The following NRXN1 variants were observed in gnomAD, a reference collection of about 807,000 sequenced individuals.
NRXN1 encodes the protein neurexin-1.
In NRXN1, 39 loss-of-function variants were observed where a neutral mutation model predicts 150.9. The ratio of observed to expected loss-of-function variants is 0.26; its 90% CI spans 0.20 to 0.34. The LOEUF (loss-of-function observed/expected upper bound fraction) is 0.34, where lower values mean the gene tolerates loss of function less well. Among genes scored for constraint, NRXN1 ranks in the 10% least tolerant of loss-of-function variants. The pLI is 1.00. For synonymous variants in NRXN1, 924 were observed against 757.0 expected (o/e 1.22, Z -3.62); for missense variants, 1,815 against 1,949.9 (o/e 0.93, Z 1.30).
intron 2 of NRXN1, among the ~76,000 whole-genome samples, chr2:50,961,290 A>G (rs1693154024): frequency 6.6e-6 from 1 of 151,856 alleles, no homozygotes; most frequent in Non-Finnish European, 1.5e-5. Flanking sequence ...TTCATTAGGT[A>G]TGGACCTAAG....
In NRXN1 at chr2:50,846,742, C is replaced by T. The variant is rs115374958; in HGVS notation, c.832+75127G>A. ...AAAAATATGAGTGATTTATGATTCC[C>T]TCTCTAGGAGAGGAAAAATATCTTT... On this transcript the variant is annotated intron_variant, in intron 5 of 22. Coordinates refer to ENST00000401669, the MANE Select transcript of NRXN1 (RefSeq NM_001330078.2). Among the ~76,000 whole-genome samples the T allele has an allele frequency of 1.2e-3, 181 of 152,290 alleles. 1 individual carries two copies. Among genetic ancestry groups the T allele is most frequent in the African/African-American group, 4.0e-3 (167 of 41,558 alleles).
At chr2:50,612,107 C>T (rs1678252356) in intron 8 of NRXN1, among the ~76,000 whole-genome samples, 1 of 152,130 alleles carries the variant, frequency 6.6e-6, no homozygotes, top group Non-Finnish European at 1.5e-5. Context: ...GCAAGGATTT[C>T]GCTCTCAGAT....
At chr2:50,569,768 C>A (rs1670388480) in intron 8 of NRXN1, among the ~76,000 whole-genome samples, 1 of 152,094 alleles carries the variant, frequency 6.6e-6, no homozygotes, top group African/African-American at 2.4e-5. Flanking sequence ...GACCCCTGGC[C>A]CTGTCATTAA....
intron 2 of NRXN1, among the ~76,000 whole-genome samples, chr2:50,958,172 T>C (rs10205578): frequency 3.9e-5 from 6 of 151,934 alleles, no homozygotes; most frequent in African/African-American, 7.3e-5. Context: ...TGGAAAGATT[T>C]TAATCAGAAA....
At chr2:50,377,232 C>A (rs555451330) in intron 17 of NRXN1, among the ~76,000 whole-genome samples, 5 of 152,106 alleles carry the variant, frequency 3.3e-5, no homozygotes, top group Non-Finnish European at 2.9e-5. Flanking sequence ...AGCTATTTAT[C>A]GTGATGCTCT....
At position 50,347,014 on chromosome 2, in the gene NRXN1, G is replaced by A; in HGVS notation, c.3365-110044C>T. ...AAGTTTGGGGCGCGGGGAGAGGAGAGGGCGCAGGGGAGCGGGCGGCGCGGA... is the reference window on the plus strand; with the variant it reads ...AAGTTTGGGGCGCGGGGAGAGGAGAAGGCGCAGGGGAGCGGGCGGCGCGGA... On this transcript the variant is annotated intron_variant, in intron 17 of 22. Coordinates refer to ENST00000401669, the MANE Select transcript of NRXN1 (RefSeq NM_001330078.2). This position sits in a 1 kb window ranked among gnomAD's most constrained non-coding sequence, Gnocchi z 4.9. 1 of 1,384,272 alleles carries A rather than the reference G, an allele frequency of 7.2e-7. No homozygotes were observed. The highest frequency in any genetic ancestry group is 9.4e-7 in the Non-Finnish European group (1 of 1,065,660). The allele number at this position is 1,384,272 out of a possible 1,614,324, so 85.7% of individuals were successfully genotyped here. A position where few individuals can be genotyped will look rare whatever the true frequency, so the allele number is the denominator to read the frequency against.
chr2:49,955,053 G>A lies in NRXN1; in HGVS notation c.4129-11262C>T, dbSNP rs1454402055. 2.0e-5 allele frequency among the ~76,000 whole-genome samples: 3 copies of A among 152,074 alleles called. No homozygotes were observed. In the East Asian group the frequency reaches 5.8e-4, roughly 29 times the overall value. ...AAAATACAGCTTAGTTAAAAGTGAGGGATTCATCTTGACTTTAAAAATAGA... is the reference window on the plus strand; with the variant it reads ...AAAATACAGCTTAGTTAAAAGTGAGAGATTCATCTTGACTTTAAAAATAGA... On this transcript the variant is annotated intron_variant, in intron 21 of 22. Transcript: ENST00000401669.
intron 5 of NRXN1, among the ~76,000 whole-genome samples, chr2:50,655,215 C>A (rs1055586335): frequency 3.3e-5 from 5 of 151,678 alleles, no homozygotes; most frequent in African/African-American, 9.7e-5. Flanking sequence ...AGCTCTATTT[C>A]CCTTTACTTT....
chr2:50,807,391 T>C (rs1260552411), intron 5 of NRXN1, among the ~76,000 whole-genome samples: 1 of 152,122 alleles, frequency 6.6e-6, no homozygotes, highest in Non-Finnish European at 1.5e-5. Context: ...AAGTGTTCTA[T>C]CTCACCCCAA....
At chr2:51,025,281 C>T (rs1670259141) in intron 2 of NRXN1, among the ~76,000 whole-genome samples, 1 of 152,172 alleles carries the variant, frequency 6.6e-6, no homozygotes, top group African/African-American at 2.4e-5. Flanking sequence ...GTACCAGGCA[C>T]TACACTGTTC....
intron 5 of NRXN1, among the ~76,000 whole-genome samples, chr2:50,792,473 T>C (rs1706191302): frequency 6.6e-6 from 1 of 152,068 alleles, no homozygotes; most frequent in African/African-American, 2.4e-5. Context: ...TCTAATACTA[T>C]AATACTCTTA....
intron 6 of NRXN1, among the ~76,000 whole-genome samples, chr2:50,621,584 T>A (rs997063078): frequency 6.6e-6 from 1 of 152,052 alleles, no homozygotes; most frequent in Admixed American, 6.5e-5. Context: ...CTGAGAGACA[T>A]TGGAAAAGTC....
Position 50,538,282 on chromosome 2 carries a change from G to T in NRXN1, c.2114C>A (p.Thr705Lys). ...CTCACAGGACCTGCCAAGATAGCCT[G>T]TTCCGGAACAATCACAGACATATCT... Reference protein sequence around the residue: ...WNRYVCDCSGTGYLGRSCERE... With the variant: ...WNRYVCDCSGKGYLGRSCERE... Residue 705 changes from threonine to lysine, a missense_variant, in exon 10 of 23, where the codon ACA becomes AAA. Coordinates refer to ENST00000401669, the MANE Select transcript of NRXN1 (RefSeq NM_001330078.2). 3 of 1,613,454 alleles carry T rather than the reference G, an allele frequency of 1.9e-6. No homozygotes were observed. The highest frequency in any genetic ancestry group is 2.5e-6 in the Non-Finnish European group (3 of 1,179,458).
chr2:50,682,914 T>C (rs1690622601), intron 5 of NRXN1, among the ~76,000 whole-genome samples: 1 of 152,166 alleles, frequency 6.6e-6, no homozygotes, highest in South Asian at 2.1e-4. Context: ...ACATAACACA[T>C]TTGTATGCAA....
chr2:50,693,960 T>C (rs1692435715), intron 5 of NRXN1, among the ~76,000 whole-genome samples: 1 of 152,022 alleles, frequency 6.6e-6, no homozygotes, highest in Non-Finnish European at 1.5e-5. Flanking sequence ...GTCGGCTAAT[T>C]GTTTTTATTT....
At chr2:50,688,193 A>T (rs1474517257) in intron 5 of NRXN1, among the ~76,000 whole-genome samples, 1 of 152,096 alleles carries the variant, frequency 6.6e-6, no homozygotes, top group Non-Finnish European at 1.5e-5. Context: ...TCAGAACCCT[A>T]ACCCAACGTT....
intron 18 of NRXN1, among the ~76,000 whole-genome samples, chr2:50,191,671 G>T (rs1360764889): frequency 1.8e-4 from 28 of 152,034 alleles, no homozygotes; most frequent in Admixed American, 1.8e-3. Context: ...CTTCTAACTG[G>T]AATCATATTT....
chr2:49,934,648 A>C (rs1313548765), intron 22 of NRXN1, among the ~76,000 whole-genome samples: 2 of 152,108 alleles, frequency 1.3e-5, no homozygotes, highest in South Asian at 4.2e-4. Context: ...GGAAATACGA[A>C]AGACAAGGCA....
chr2:50,506,659 A>C (rs2092239946), intron 12 of NRXN1, 42 bp from the exon 13 acceptor site: 1 of 1,602,968 alleles, frequency 6.2e-7, no homozygotes, highest in Admixed American at 1.7e-5. Context: ...ACTCAGAATC[A>C]GTCAAGCAAA....
Sources: gnomAD v4.1 joint callset for allele counts (sites outside exome capture counted in the v4.1 genomes callset) on GRCh38, gnomAD v4.1.1 for gene constraint, Gnocchi (gnomAD v3.1) non-coding constraint, MANE v1.5 for transcripts, NCBI Gene and HGNC (gene_info 2026-07-23, HGNC 2026-07-21) for gene names.